KCNN3: variants seen among roughly 807,000 people sequenced by gnomAD.
The protein encoded by KCNN3 is small conductance calcium-activated potassium channel protein 3.
Under a neutral mutation model 62.9 loss-of-function variants are expected in KCNN3, and 16 were observed. That is an observed-to-expected ratio of 0.25 (90% confidence interval 0.17 to 0.39). KCNN3 has a LOEUF of 0.39. Ranked by LOEUF, KCNN3 falls within the 10% of genes least tolerant of loss-of-function variation. The pLI is 1.00. For synonymous variants in KCNN3, 370 were observed against 389.2 expected (o/e 0.95, Z 0.58); for missense variants, 599 against 949.4 (o/e 0.63, Z 4.85).
chr1:154,773,229 C>T (rs75360910), intron 2 of KCNN3, among the ~76,000 whole-genome samples: 2,000 of 152,272 alleles, frequency 0.013, 42 homozygotes, highest in African/African-American at 0.046. Context: ...GATAGCTGCA[C>T]ACATGGAGGT....
At chr1:154,838,528 T>G (rs1312023978) in intron 1 of KCNN3, among the ~76,000 whole-genome samples, 1 of 152,108 alleles carries the variant, frequency 6.6e-6, no homozygotes, top group Non-Finnish European at 1.5e-5. Flanking sequence ...TTGCTCACAC[T>G]CCTTCAAAAT....
chr1:154,810,983 T>A (rs1025333023), intron 2 of KCNN3, among the ~76,000 whole-genome samples: 3 of 152,198 alleles, frequency 2.0e-5, no homozygotes, highest in Non-Finnish European at 2.9e-5. Context: ...TCTGCTTCAG[T>A]TGCTTTATCT....
At chr1:154,767,508 T>C (rs1026275826) in intron 3 of KCNN3, among the ~76,000 whole-genome samples, 3 of 152,198 alleles carry the variant, frequency 2.0e-5, no homozygotes, top group African/African-American at 4.8e-5. Context: ...CCCAAGGAGA[T>C]AAACATACAA....
intron 2 of KCNN3, among the ~76,000 whole-genome samples, chr1:154,789,165 C>A (rs760004826): frequency 3.3e-5 from 5 of 152,178 alleles, no homozygotes; most frequent in Middle Eastern, 3.2e-3. Context: ...CAGAGAGGGC[C>A]TGCCTTCCCT....
At chr1:154,792,754 A>C (rs1649571691) in intron 2 of KCNN3, among the ~76,000 whole-genome samples, 1 of 152,164 alleles carries the variant, frequency 6.6e-6, no homozygotes, top group Non-Finnish European at 1.5e-5. Flanking sequence ...TGTGGGAGAG[A>C]ATGCCCACCC....
Position 154,751,250 on chromosome 1 carries a change from G to T in KCNN3, c.1449-18106C>A, listed in dbSNP as rs115528363. 2.4e-3 allele frequency among the ~76,000 whole-genome samples: 363 copies of T among 152,334 alleles called. 3 individuals carry two copies. The highest frequency in any genetic ancestry group is 7.7e-3 in the African/African-American group (319 of 41,580). On this transcript the variant is annotated intron_variant, in intron 3 of 7. Transcript: ENST00000271915. ...TGTACAATATGAGGATTTGGCTAAAGAAGCTCTAAAGCCCCCTCCAGCTCT... is the reference window on the plus strand; with the variant it reads ...TGTACAATATGAGGATTTGGCTAAATAAGCTCTAAAGCCCCCTCCAGCTCT...
intron 2 of KCNN3, among the ~76,000 whole-genome samples, chr1:154,814,417 A>G (rs1650569547): frequency 6.6e-6 from 1 of 152,118 alleles, no homozygotes; most frequent in African/African-American, 2.4e-5. Context: ...CAGGCAAGAA[A>G]TAGTATTCAC....
intron 2 of KCNN3, among the ~76,000 whole-genome samples, chr1:154,794,319 C>T (rs1649637815): frequency 6.6e-6 from 1 of 152,148 alleles, no homozygotes; most frequent in Admixed American, 6.5e-5. Flanking sequence ...CCATGTTTTC[C>T]CCAGAGCTTG....
At chr1:154,732,083 C>G (rs967849424) in intron 4 of KCNN3, among the ~76,000 whole-genome samples, 13 of 152,254 alleles carry the variant, frequency 8.5e-5, no homozygotes, top group Non-Finnish European at 1.5e-4. Context: ...TTTCAAAGCA[C>G]TTTAACATAA....
chr1:154,772,011 C>A lies in KCNN3; in HGVS notation c.1412G>T (p.Trp471Leu). ...TVLLVFSISL[W>L]IIAAWTVRVC... is the part of the protein sequence containing the mutation. Reference sequence around the variant, plus strand: ...ACGGACGGTCCAGGCAGCAATGATCCACAGAGAGATGCTGAACACGAGCAG... The same window carrying A: ...ACGGACGGTCCAGGCAGCAATGATCAACAGAGAGATGCTGAACACGAGCAG... The change falls in exon 3 of 8, where the codon TGG becomes TTG. Residue 471 changes from tryptophan to leucine, a missense_variant. Trp to Leu is a moderately conservative substitution (Grantham distance 61). Around this residue, in one of 7 missense-constraint regions of KCNN3, gnomAD observed 288 missense variants for 557.4 expected, o/e 0.52. Transcript: ENST00000271915. This position sits in a 1 kb window ranked among gnomAD's most constrained non-coding sequence, Gnocchi z 5.6. 1 of 1,614,088 alleles carries A rather than the reference C, an allele frequency of 6.2e-7. No homozygotes were observed. The highest frequency in any genetic ancestry group is 8.5e-7 in the Non-Finnish European group (1 of 1,180,038).
Position 154,733,944 on chromosome 1 carries a change from C to G in KCNN3, c.1449-800G>C, listed in dbSNP as rs533025677. On this transcript the variant is annotated intron_variant, in intron 3 of 7. Transcript: ENST00000271915. ...GACCCAGCCCAAGAGAGGGGTTTGC[C>G]AAGGAGGCAGACATCTGCAGAGGGG... is the stretch of plus-strand genomic sequence containing the variant. 2.9e-3 allele frequency among the ~76,000 whole-genome samples: 434 copies of G among 152,268 alleles called. 1 individual carries two copies. Among genetic ancestry groups the G allele is most frequent in the Non-Finnish European group, 3.5e-3 (236 of 68,014 alleles).
intron 2 of KCNN3, among the ~76,000 whole-genome samples, chr1:154,787,410 C>A (rs911085877): frequency 3.3e-5 from 5 of 152,208 alleles, no homozygotes; most frequent in Non-Finnish European, 7.3e-5. Flanking sequence ...GAGGTCACTG[C>A]GGATCTGGCC....
intron 1 of KCNN3, among the ~76,000 whole-genome samples, chr1:154,857,518 A>AGG (rs1553240983): frequency 9.4e-5 from 1 of 10,592 alleles, no homozygotes; most frequent in African/African-American, 4.3e-4. Flanking sequence ...TGGCACAGTA[A>AGG]GGGGTGGGGT....
chr1:154,818,127 C>T (rs770407564), intron 2 of KCNN3, among the ~76,000 whole-genome samples: 6 of 152,276 alleles, frequency 3.9e-5, no homozygotes, highest in South Asian at 2.1e-4. Flanking sequence ...ATTTCTCTCC[C>T]GGACACACTG....
At chr1:154,758,656 G>A (rs1647852523) in intron 3 of KCNN3, among the ~76,000 whole-genome samples, 1 of 152,192 alleles carries the variant, frequency 6.6e-6, no homozygotes, top group African/African-American at 2.4e-5. Flanking sequence ...CAGGCATCCA[G>A]ACCGAATGGA....
intron 1 of KCNN3, among the ~76,000 whole-genome samples, chr1:154,849,592 G>T (rs1652225978): frequency 6.6e-6 from 1 of 152,204 alleles, no homozygotes; most frequent in South Asian, 2.1e-4. Context: ...ACTTCACTGA[G>T]GCATGAGGAG....
chr1:154,750,643 G>A (rs4845666), intron 3 of KCNN3, among the ~76,000 whole-genome samples: 135,598 of 151,914 alleles, frequency 0.89, 60,712 homozygotes, highest in East Asian at 1. Context: ...TTTCTTACCC[G>A]TTTCCCACAC....
chr1:154,843,980 G>A (rs998742353), intron 1 of KCNN3, among the ~76,000 whole-genome samples: 4 of 152,200 alleles, frequency 2.6e-5, no homozygotes, highest in African/African-American at 9.6e-5. Context: ...AAGTAGGAGG[G>A]GGGGCTGCAC....
Position 154,869,343 on chromosome 1 carries a change from GGGGTT to G in KCNN3, c.617_621del (p.Gln206ProfsTer7). ...GGGTTGCTAGGGCTGAAAAGCTGGAGGGGTTGGCCCTCAGTCTCGGCCTCGATGAG... is the reference window on the plus strand; with the variant it reads ...GGGTTGCTAGGGCTGAAAAGCTGGAGGGCCCTCAGTCTCGGCCTCGATGAG... On this transcript the variant is annotated frameshift_variant, in exon 1 of 8. Transcript: ENST00000271915. LOFTEE classifies it high-confidence loss of function. The surrounding 1 kb of genome is among the most constrained non-coding windows in gnomAD (Gnocchi z 6.1). 6.2e-7 allele frequency: 1 copy of G among 1,613,956 alleles called. No homozygotes were observed.
Sources: allele counts gnomAD v4.1 joint callset (sites outside exome capture counted in the v4.1 genomes callset), GRCh38; gene constraint gnomAD v4.1.1; regional missense constraint gnomAD v4.1.1; non-coding constraint Gnocchi (gnomAD v3.1); transcripts MANE v1.5; gene names NCBI Gene and HGNC (gene_info 2026-07-23, HGNC 2026-07-21).